Variants in TGFA observed in about 807,000 individuals in gnomAD.
TGFA encodes the protein transforming growth factor alpha.
In TGFA, 12 loss-of-function variants were observed where a neutral mutation model predicts 21.7. That is an observed-to-expected ratio of 0.55 (90% CI 0.35 to 0.90). The LOEUF (loss-of-function observed/expected upper bound fraction) is 0.90, where lower values mean the gene tolerates loss of function less well. Among genes scored for constraint, TGFA ranks in the 40% least tolerant of loss-of-function variants. TGFA has a pLI of 0.01. For synonymous variants in TGFA, 79 were observed against 88.1 expected (o/e 0.90, Z 0.58); for missense variants, 178 against 210.8 (o/e 0.84, Z 0.96).
chr2:70,511,998 C>T (rs925439700), intron 2 of TGFA, among the ~76,000 whole-genome samples: 3 of 149,740 alleles, frequency 2.0e-5, no homozygotes, highest in Non-Finnish European at 4.5e-5. Context: ...GCGCCCACCA[C>T]AGGATTTCAG....
intron 2 of TGFA, among the ~76,000 whole-genome samples, chr2:70,483,011 T>C (rs1418230024): frequency 6.6e-6 from 1 of 152,228 alleles, no homozygotes; most frequent in African/African-American, 2.4e-5. Flanking sequence ...GATCTCTTCA[T>C]TTAAAGAGGT....
intron 2 of TGFA, among the ~76,000 whole-genome samples, chr2:70,507,199 C>T (rs1481453444): frequency 6.6e-6 from 1 of 152,242 alleles, no homozygotes; most frequent in Non-Finnish European, 1.5e-5. Flanking sequence ...AGTCACTGGA[C>T]TGCAAGGCCG....
chr2:70,469,217 T>C (rs1421948122), intron 2 of TGFA, among the ~76,000 whole-genome samples: 1 of 152,124 alleles, frequency 6.6e-6, no homozygotes, highest in Non-Finnish European at 1.5e-5. Flanking sequence ...ATCTCTGGGG[T>C]GAGGCCCAGA....
At chr2:70,504,469 C>CAAATATATATAT (rs1671851267) in intron 2 of TGFA, among the ~76,000 whole-genome samples, 1 of 80,628 alleles carries the variant, frequency 1.2e-5, no homozygotes, top group Admixed American at 1.3e-4. Flanking sequence ...TATATACACA[C>CAAATATATATAT]ATACATACAT....
chr2:70,500,891 G>A (rs1373512146), intron 2 of TGFA, among the ~76,000 whole-genome samples: 1 of 151,720 alleles, frequency 6.6e-6, no homozygotes, highest in Non-Finnish European at 1.5e-5. Flanking sequence ...TTGTTTCCTT[G>A]GCTGTGCAGA....
chr2:70,526,240 C>A (rs1553502980), intron 1 of TGFA, among the ~76,000 whole-genome samples: 2 of 152,194 alleles, frequency 1.3e-5, no homozygotes, highest in African/African-American at 4.8e-5. Flanking sequence ...TAACCCAAAG[C>A]ATTCAGGTTA....
chr2:70,466,520 A>AC (rs1396433808), intron 2 of TGFA, among the ~76,000 whole-genome samples: 25 of 152,072 alleles, frequency 1.6e-4, no homozygotes, highest in Middle Eastern at 3.4e-3. Flanking sequence ...CTCAAAAAAA[A>AC]CCAAAAAAAC....
intron 1 of TGFA, among the ~76,000 whole-genome samples, chr2:70,538,598 T>C (rs1673042886): frequency 6.6e-6 from 1 of 152,164 alleles, no homozygotes; most frequent in Non-Finnish European, 1.5e-5. Context: ...GTGGTGGGAA[T>C]AGCAAGAGAA....
chr2:70,500,459 TAAAA>T (rs59778317), intron 2 of TGFA, among the ~76,000 whole-genome samples: 1 of 148,232 alleles, frequency 6.7e-6, no homozygotes, highest in Non-Finnish European at 1.5e-5. Context: ...AAGCAGAGTT[TAAAA>T]AAAAAAAAGT....
chr2:70,497,407 C>T (rs1338673981), intron 2 of TGFA, among the ~76,000 whole-genome samples: 1 of 152,208 alleles, frequency 6.6e-6, no homozygotes, highest in African/African-American at 2.4e-5. Flanking sequence ...GATTGCTAAG[C>T]ATTTCTGTTC....
chr2:70,470,288 C>A (rs1006226832), intron 2 of TGFA, among the ~76,000 whole-genome samples: 2 of 152,026 alleles, frequency 1.3e-5, no homozygotes, highest in African/African-American at 4.8e-5. Flanking sequence ...AAAACAGGCA[C>A]CAGGTTAATA....
chr2:70,507,527 T>A (rs1671963961), intron 2 of TGFA, among the ~76,000 whole-genome samples: 1 of 152,240 alleles, frequency 6.6e-6, no homozygotes, highest in Admixed American at 6.5e-5. Context: ...TGTCTACCTG[T>A]TCCATAACTA....
chr2:70,471,097 T>G, intron 2 of TGFA, among the ~76,000 whole-genome samples: 1 of 144,868 alleles, frequency 6.9e-6, no homozygotes, highest in Admixed American at 7.1e-5. Context: ...TTACGTGCAT[T>G]CTCCTCCCCG....
chr2:70,538,221 A>G (rs1008468487), intron 1 of TGFA, among the ~76,000 whole-genome samples: 1 of 152,232 alleles, frequency 6.6e-6, no homozygotes, highest in African/African-American at 2.4e-5. Context: ...TTGACAATGC[A>G]CCTGGGTCGC....
chr2:70,473,099 C>T (rs1670807202), intron 2 of TGFA, among the ~76,000 whole-genome samples: 1 of 152,154 alleles, frequency 6.6e-6, no homozygotes, highest in South Asian at 2.1e-4. Flanking sequence ...GCCTCCATTC[C>T]ACCCTGAGGC....
At position 70,449,417 on chromosome 2, in the gene TGFA, ACT is replaced by A. The variant is rs1347839162; in HGVS notation, c.*1440_*1441del. The A allele has an allele frequency of 6.5e-6, 1 of 155,034 alleles. No individual in the cohort carries two copies. Among genetic ancestry groups the A allele is most frequent in the Non-Finnish European group, 1.5e-5 (1 of 68,900 alleles). 9.6% of individuals were successfully genotyped at this position (155,034 alleles called of 1,614,324 possible). On this transcript the variant is annotated 3_prime_UTR_variant, in exon 6 of 6. Transcript: ENST00000295400. ...GGAGTTTATATATTATTTCTTCATTACTCTGTTTCCAAATTTTAATGAAAATT... is the reference window on the plus strand; with the variant it reads ...GGAGTTTATATATTATTTCTTCATTACTGTTTCCAAATTTTAATGAAAATT...
At chr2:70,504,461 TATACAC>T (rs1251348418) in intron 2 of TGFA, among the ~76,000 whole-genome samples, 1 of 65,168 alleles carries the variant, frequency 1.5e-5, no homozygotes, top group Admixed American at 1.4e-4. Context: ...TATATATATA[TATACAC>T]ACATACATAC....
chr2:70,508,482 G>A (rs1158101485), intron 2 of TGFA, among the ~76,000 whole-genome samples: 1 of 151,654 alleles, frequency 6.6e-6, no homozygotes, highest in African/African-American at 2.4e-5. Context: ...GGTGAAGGGG[G>A]GGAATGTTAT....
At chr2:70,513,866 G>A (rs1005667468) in intron 2 of TGFA, among the ~76,000 whole-genome samples, 4 of 152,188 alleles carry the variant, frequency 2.6e-5, no homozygotes, top group Non-Finnish European at 5.9e-5. Flanking sequence ...AACACACTCT[G>A]TGCTAACCAG....
Sources: gnomAD v4.1 joint callset for allele counts (sites outside exome capture counted in the v4.1 genomes callset) on GRCh38, gnomAD v4.1.1 for gene constraint, MANE v1.5 for transcripts, NCBI Gene and HGNC (gene_info 2026-07-23, HGNC 2026-07-21) for gene names.